The following CATIP variants were observed in gnomAD, a reference collection of about 807,000 sequenced individuals.
The protein encoded by CATIP is ciliogenesis associated TTC17 interacting protein.
A neutral mutation model predicts 42.5 loss-of-function variants in CATIP; 40 were observed. The ratio of observed to expected loss-of-function variants is 0.94; its 90% confidence interval spans 0.73 to 1.22. CATIP has a LOEUF of 1.22. CATIP is among the 50% of genes most tolerant of loss of function. CATIP has a pLI of 0.00. For missense variants in CATIP, 489 were observed against 496.0 expected (o/e 0.99, Z 0.13); for synonymous variants, 222 against 200.2 (o/e 1.11, Z -0.92).
In CATIP at chr2:218,364,660, C is replaced by A. The variant is rs1046933104; in HGVS notation, c.663C>A (p.Asp221Glu). The change falls in exon 7 of 10, where the codon GAC becomes GAA. Residue 221 changes from aspartate to glutamate, a missense_variant. Physicochemically the swap from Asp to Glu is conservative, Grantham distance 45. Coordinates refer to ENST00000289388, the MANE Select transcript of CATIP (RefSeq NM_198559.2). ...TGGGCTTCCAGACCATCCAGGTAGA[C>A]CATCAGCAGGCTGAAGTCTTCATCG... ...QNLGFQTIQV[D>E]HQQAEVFIVE... is the part of the protein sequence containing the mutation. The A allele has an allele frequency of 6.2e-7, 1 of 1,613,998 alleles. No homozygotes were observed. Among genetic ancestry groups the A allele is most frequent in the Non-Finnish European group, 8.5e-7 (1 of 1,180,000 alleles).
rs1325311780 is a variant in CATIP at position 218,362,754 on chromosome 2, C to G, written c.482C>G (p.Thr161Ser). The G allele has an allele frequency of 1.2e-5, 19 of 1,614,018 alleles. No homozygotes were observed. The highest frequency in any genetic ancestry group is 1.5e-5 in the Non-Finnish European group (18 of 1,180,004). The change falls in exon 6 of 10, where the codon ACT becomes AGT. Residue 161 changes from threonine to serine, a missense_variant. Transcript: ENST00000289388. Reference sequence around the variant, plus strand: ...GAACAGGAAGTGAAGACTGGAGTGACTTCTTTCCCCTGGAGCTCAATCAAG... The same window carrying G: ...GAACAGGAAGTGAAGACTGGAGTGAGTTCTTTCCCCTGGAGCTCAATCAAG... ...KEGEEVKTGV[T>S]SFPWSSIKGF...
intron 4 of CATIP, 71 bp downstream of exon 4, chr2:218,358,163 G>A (rs748175913): frequency 7.5e-7 from 1 of 1,337,712 alleles, no homozygotes; most frequent in Non-Finnish European, 1.0e-6. Flanking sequence ...AAAAACAGCA[G>A]CAACAACAAA....
chr2:218,363,040 T>C, intron 6 of CATIP, 138 bp downstream of exon 6: 1 of 769,830 alleles, frequency 1.3e-6, no homozygotes, highest in South Asian at 1.9e-5. Context: ...GAATGGGGCT[T>C]TCAAGGGCAG....
In CATIP at chr2:218,367,773, C is replaced by G; in HGVS notation, c.973C>G (p.His325Asp). 2 of 1,611,650 alleles carry G rather than the reference C, an allele frequency of 1.2e-6. No individual in the cohort carries two copies. The highest frequency in any genetic ancestry group is 1.7e-6 in the Non-Finnish European group (2 of 1,179,794). The change falls in exon 10 of 10, where the codon CAC (histidine) becomes GAC (aspartate). Residue 325 changes from histidine to aspartate, a missense_variant. Transcript: ENST00000289388. The part of the protein sequence containing the change: ...ASYLRQHPEA[H>D]ALISDFLLFL... ...CTATCTGCGGCAGCACCCCGAAGCC[C>G]ACGCGCTCATCTCCGACTTCCTGCT...
intron 5 of CATIP, among the ~76,000 whole-genome samples, chr2:218,361,131 T>C (rs1695220251): frequency 6.6e-6 from 1 of 152,098 alleles, no homozygotes; most frequent in African/African-American, 2.4e-5. Context: ...ACGCCCAGCC[T>C]ACAGCTTGGT....
chr2:218,362,589 G>A (rs1020517477), intron 5 of CATIP, 146 bp from the exon 6 acceptor site: 40 of 668,484 alleles, frequency 6.0e-5, no homozygotes, highest in Non-Finnish European at 8.9e-5. Context: ...CTGAGACCAC[G>A]CCATTGCACT....
At chr2:218,363,338 C>T (rs540931130) in intron 6 of CATIP, among the ~76,000 whole-genome samples, 1 of 150,116 alleles carries the variant, frequency 6.7e-6, no homozygotes, top group Non-Finnish European at 1.5e-5. Context: ...AAAAAAAAAT[C>T]AGCGGGGCGT....
In CATIP at chr2:218,362,816, A is replaced by G. The variant is rs1695281061; in HGVS notation, c.544A>G (p.Arg182Gly). The change falls in exon 6 of 10, where the codon AGG becomes GGG. Residue 182 changes from arginine to glycine, a missense_variant. Transcript: ENST00000289388. ...ISEAANLVLLRVMAWRRMVPS... is the reference protein window; with the variant it reads ...ISEAANLVLLGVMAWRRMVPS... ...AGAGGCTGCCAACCTGGTGCTGCTC[A>G]GGGTGATGGCCTGGCGGCGGATGGT... The G allele has an allele frequency of 1.2e-6, 2 of 1,614,010 alleles. No homozygotes were observed. The highest frequency in any genetic ancestry group is 1.7e-6 in the Non-Finnish European group (2 of 1,180,020).
At position 218,364,102 on chromosome 2, in the gene CATIP, C is replaced by A. The variant is rs551396557; in HGVS notation, c.631-526C>A. Among the ~76,000 whole-genome samples, 5 of 152,292 alleles carry A rather than the reference C, an allele frequency of 3.3e-5. No homozygotes were observed. In the South Asian group the frequency reaches 1.0e-3, roughly 32 times the overall value. On this transcript the variant is annotated intron_variant, in intron 6 of 9. Transcript: ENST00000289388. ...TTCCAGGCTTGTCTATCAAAACACA[C>A]CAAGCAGCAATGCATTTGACATGAA...
At position 218,364,530 on chromosome 2, in the gene CATIP, GGTT is replaced by G. The variant is rs979488370; in HGVS notation, c.631-94_631-92del. 5 of 1,499,410 alleles carry G rather than the reference GGTT, an allele frequency of 3.3e-6. No homozygotes were observed. In the African/African-American group the frequency reaches 5.6e-5, roughly 17 times the overall value. The allele number at this position is 1,499,410 out of a possible 1,614,324, so 92.9% of individuals were successfully genotyped here. A position where few individuals can be genotyped will look rare whatever the true frequency, so the allele number is the denominator to read the frequency against. On this transcript the variant is annotated intron_variant, in intron 6 of 9. Coordinates refer to ENST00000289388, the MANE Select transcript of CATIP (RefSeq NM_198559.2). ...GGAGATGCAATATTAAATGTCTTGA[GGTT>G]GTTATGAGATGGAGAAAAGGCTAAG...
rs769522383 is a variant in CATIP at position 218,367,418 on chromosome 2, T to C, written c.833-12T>C. ...GGGTAGGGACGCCCAGCCTTCCTTGTTCCCCACCTAGATGAGATTGAGCCA... is the reference window on the plus strand; with the variant it reads ...GGGTAGGGACGCCCAGCCTTCCTTGCTCCCCACCTAGATGAGATTGAGCCA... On this transcript the variant is annotated splice_polypyrimidine_tract_variant and intron_variant, in intron 8 of 9. Coordinates refer to ENST00000289388, the MANE Select transcript of CATIP (RefSeq NM_198559.2). 2 of 1,613,318 alleles carry C rather than the reference T, an allele frequency of 1.2e-6. No individual in the cohort carries two copies. The highest frequency in any genetic ancestry group is 1.7e-6 in the Non-Finnish European group (2 of 1,179,384).
At chr2:218,357,232 A>G (rs1428439111) in intron 2 of CATIP, 45 bp downstream of exon 2, 1 of 1,338,746 alleles carries the variant, frequency 7.5e-7, no homozygotes, top group Admixed American at 1.8e-5. Context: ...GAGGGGTGCA[A>G]GTCTGGAGAG....
chr2:218,364,896 CTTCA>C, intron 7 of CATIP, 144 bp downstream of exon 7: 1 of 961,318 alleles, frequency 1.0e-6, no homozygotes, highest in South Asian at 1.7e-5. Context: ...TTCACTCTTT[CTTCA>C]TTTATTTGCT....
chr2:218,364,290 T>G (rs1468731806), intron 6 of CATIP, among the ~76,000 whole-genome samples: 1 of 152,168 alleles, frequency 6.6e-6, no homozygotes, highest in African/African-American at 2.4e-5. Flanking sequence ...CTGTCTGGTC[T>G]CACACCTCTG....
rs551372522 is a variant in CATIP, at chr2:218,364,352, G to C, written c.631-276G>C. Among the ~76,000 whole-genome samples, 38 of 143,946 alleles carry C rather than the reference G, an allele frequency of 2.6e-4. No homozygotes were observed. In the South Asian group the frequency reaches 6.6e-3, roughly 25 times the overall value. The allele number at this position is 143,946 out of a possible 152,430, so 94.4% of individuals were successfully genotyped here. A position where few individuals can be genotyped will look rare whatever the true frequency, so the allele number is the denominator to read the frequency against. ...CCCTAGTAGCTCATCCTACCTCTCC[G>C]CTCCCACACCCCCCCGCATACCGCT... On this transcript the variant is annotated intron_variant, in intron 6 of 9. Coordinates refer to ENST00000289388, the MANE Select transcript of CATIP (RefSeq NM_198559.2).
At chr2:218,367,276 T>C in intron 8 of CATIP, 154 bp from the exon 9 acceptor site, 1 of 807,508 alleles carries the variant, frequency 1.2e-6, no homozygotes, top group Non-Finnish European at 2.0e-6. Context: ...AGGAGGATCT[T>C]TCCTACTGGA....
At chr2:218,360,061 A>C (rs1695180873) in intron 4 of CATIP, among the ~76,000 whole-genome samples, 1 of 151,776 alleles carries the variant, frequency 6.6e-6, no homozygotes, top group Non-Finnish European at 1.5e-5. Flanking sequence ...CCTGACCTCA[A>C]GTGATCTGCC....
At chr2:218,362,579 C>A (rs1695273776) in intron 5 of CATIP, among the ~76,000 whole-genome samples, 156 bp from the exon 6 acceptor site, 1 of 152,090 alleles carries the variant, frequency 6.6e-6, no homozygotes, top group Non-Finnish European at 1.5e-5. Flanking sequence ...TTGCAGTGAG[C>A]TGAGACCACG....
intron 6 of CATIP, among the ~76,000 whole-genome samples, chr2:218,363,440 C>T (rs1400907937): frequency 6.7e-6 from 1 of 149,582 alleles, no homozygotes; most frequent in African/African-American, 2.5e-5. Flanking sequence ...GAGCCGAGAT[C>T]GCGCCACTGC....
Sources: allele counts gnomAD v4.1 joint callset (sites outside exome capture counted in the v4.1 genomes callset), GRCh38; gene constraint gnomAD v4.1.1; transcripts MANE v1.5; gene names NCBI Gene and HGNC (gene_info 2026-07-23, HGNC 2026-07-21).